Variants in SLC4A4 observed in about 807,000 individuals in gnomAD.
The protein encoded by SLC4A4 is solute carrier family 4 member 4, also known as electrogenic sodium bicarbonate cotransporter 1.
SLC4A4 carries 27 observed loss-of-function variants against 111.5 expected under a neutral mutation model. The ratio of observed to expected loss-of-function variants is 0.24; its 90% confidence interval spans 0.18 to 0.33. SLC4A4 has a LOEUF of 0.33. Among genes scored for constraint, SLC4A4 ranks in the 10% least tolerant of loss-of-function variants. SLC4A4 has a pLI of 1.00. For missense variants in SLC4A4, 909 were observed against 1,315.5 expected, an observed-to-expected ratio of 0.69 and a Z score of 4.78; for synonymous variants, 443 against 463.4, an observed-to-expected ratio of 0.96 and a Z score of 0.57.
intron 2 of SLC4A4, among the ~76,000 whole-genome samples, chr4:71,237,385 T>C (rs1050429859): frequency 6.6e-6 from 1 of 152,184 alleles, no homozygotes; most frequent in African/African-American, 2.4e-5. Context: ...CACAGATATA[T>C]GTTATTATTC....
chr4:71,536,810 T>G (rs1734545484), intron 18 of SLC4A4, among the ~76,000 whole-genome samples: 1 of 151,712 alleles, frequency 6.6e-6, no homozygotes, highest in Admixed American at 6.6e-5. Context: ...AGCATATTCT[T>G]CTGTCTTCTG....
chr4:71,400,158 G>A (rs996345289), intron 7 of SLC4A4, among the ~76,000 whole-genome samples: 4 of 152,064 alleles, frequency 2.6e-5, no homozygotes, highest in Non-Finnish European at 5.9e-5. Flanking sequence ...TTTTATTAAG[G>A]GCAGCTCTCC....
intron 2 of SLC4A4, among the ~76,000 whole-genome samples, chr4:71,251,687 T>A (rs574530818): frequency 3.3e-5 from 5 of 152,336 alleles, no homozygotes; most frequent in African/African-American, 1.2e-4. Flanking sequence ...GTAGTTTTAC[T>A]TCATGAAGTT....
rs530236364 is a variant in SLC4A4 at position 71,407,998 on chromosome 4, A to G, written c.807+10345A>G. Among the ~76,000 whole-genome samples the G allele has an allele frequency of 4.6e-5, 7 of 152,318 alleles. No individual in the cohort carries two copies. The South Asian group carries it at 1.4e-3, about 32-fold the overall frequency. ...CAACTCTAGTTCATTTAGTCTGATA[A>G]ATGCACATCATTATGACCTTAAAAT... On this transcript the variant is annotated intron_variant, in intron 7 of 25. Coordinates refer to ENST00000264485, the MANE Select transcript of SLC4A4 (RefSeq NM_001098484.3).
intron 2 of SLC4A4, among the ~76,000 whole-genome samples, chr4:71,154,233 T>G (rs1744399116): frequency 6.6e-6 from 1 of 152,194 alleles, no homozygotes; most frequent in Admixed American, 6.5e-5. Context: ...CTATGGCTCT[T>G]CAAAGGCTTG....
intron 2 of SLC4A4, among the ~76,000 whole-genome samples, chr4:71,179,156 G>C (rs1013013508): frequency 2.6e-5 from 4 of 152,012 alleles, no homozygotes; most frequent in South Asian, 2.1e-4. Flanking sequence ...ATTCAACAAT[G>C]CTTCATGCTA....
At chr4:71,123,636 A>T (rs1353421078) in intron 2 of SLC4A4, among the ~76,000 whole-genome samples, 1 of 152,246 alleles carries the variant, frequency 6.6e-6, no homozygotes, top group Non-Finnish European at 1.5e-5. Context: ...AATGTAAAAA[A>T]CAAAAAGCTT....
intron 17 of SLC4A4, 96 bp downstream of exon 17, chr4:71,532,271 A>G (rs186366383): frequency 1.2e-6 from 1 of 804,858 alleles, no homozygotes. Context: ...TTAGTTTTGT[A>G]CAATTATCCA....
intron 2 of SLC4A4, among the ~76,000 whole-genome samples, chr4:71,121,225 C>T (rs1012392293): frequency 6.6e-6 from 1 of 152,078 alleles, no homozygotes; most frequent in East Asian, 1.9e-4. Context: ...CTCCCCCCTC[C>T]CCTTGGCTGT....
chr4:71,441,934 G>T (rs1473209992), intron 8 of SLC4A4, among the ~76,000 whole-genome samples: 1 of 152,080 alleles, frequency 6.6e-6, no homozygotes, highest in African/African-American at 2.4e-5. Context: ...GTAGCTTTTT[G>T]CTTGAAAACA....
intron 3 of SLC4A4, among the ~76,000 whole-genome samples, chr4:71,320,549 A>G (rs1292197337): frequency 6.6e-6 from 1 of 152,046 alleles, no homozygotes; most frequent in Non-Finnish European, 1.5e-5. Flanking sequence ...GAGAGGTGGC[A>G]GAGGGATTTG....
intron 16 of SLC4A4, among the ~76,000 whole-genome samples, chr4:71,521,075 G>A (rs544983208): frequency 6.6e-6 from 1 of 152,190 alleles, no homozygotes; most frequent in African/African-American, 2.4e-5. Flanking sequence ...CCATCAGGAA[G>A]CAAAGGATAT....
At chr4:71,454,987 C>T (rs749390199) in intron 12 of SLC4A4, among the ~76,000 whole-genome samples, 2 of 152,172 alleles carry the variant, frequency 1.3e-5, no homozygotes, top group African/African-American at 2.4e-5. Flanking sequence ...ACTCTCCACA[C>T]GACTTCTCCA....
intron 12 of SLC4A4, among the ~76,000 whole-genome samples, chr4:71,453,926 T>C (rs1444118481): frequency 6.6e-6 from 1 of 152,144 alleles, no homozygotes; most frequent in Non-Finnish European, 1.5e-5. Flanking sequence ...TACAATTCTA[T>C]TTGGGCAAAA....
intron 2 of SLC4A4, among the ~76,000 whole-genome samples, chr4:71,241,474 G>A (rs1720216557): frequency 1.3e-5 from 2 of 152,008 alleles, no homozygotes; most frequent in South Asian, 4.1e-4. Context: ...TCATCTACTC[G>A]TGTACTGGAG....
intron 1 of SLC4A4, among the ~76,000 whole-genome samples, chr4:71,070,315 G>C (rs1741631859): frequency 6.6e-6 from 1 of 152,144 alleles, no homozygotes; most frequent in African/African-American, 2.4e-5. Context: ...ATCACTTTGG[G>C]GGGCTCTGTT....
At chr4:71,540,178 T>C (rs1390120328) in intron 18 of SLC4A4, among the ~76,000 whole-genome samples, 3 of 152,170 alleles carry the variant, frequency 2.0e-5, no homozygotes. Context: ...AGTGTCCCCA[T>C]AAATGAGCAT....
At chr4:71,351,718 G>A (rs1729858134) in intron 5 of SLC4A4, among the ~76,000 whole-genome samples, 1 of 152,020 alleles carries the variant, frequency 6.6e-6, no homozygotes, top group South Asian at 2.1e-4. Flanking sequence ...AGTGGAGAAG[G>A]GAGAGGACTT....
At chr4:71,277,209 A>G (rs1188459506) in intron 3 of SLC4A4, among the ~76,000 whole-genome samples, 1 of 152,182 alleles carries the variant, frequency 6.6e-6, no homozygotes, top group Non-Finnish European at 1.5e-5. Flanking sequence ...ATTTTTAAAG[A>G]AACTACCAAA....
Sources: allele counts gnomAD v4.1 joint callset (sites outside exome capture counted in the v4.1 genomes callset), GRCh38; gene constraint gnomAD v4.1.1; transcripts MANE v1.5; gene names NCBI Gene and HGNC (gene_info 2026-07-23, HGNC 2026-07-21).